The following NAV1 variants were observed in gnomAD, a reference collection of about 807,000 sequenced individuals.
The protein encoded by NAV1 is neuron navigator 1, also known as pore membrane and/or filament interacting like protein 3.
Under a neutral mutation model 175.2 loss-of-function variants are expected in NAV1, and 18 were observed. The observed-to-expected ratio is 0.10, with a 90% CI of 0.07 to 0.15. The LOEUF is 0.15. Among genes scored for constraint, NAV1 ranks in the 10% least tolerant of loss-of-function variants. The probability of loss-of-function intolerance (pLI) is 1.00; values close to 1 mark genes in which losing one functional copy is unlikely to be tolerated. For synonymous variants in NAV1, 897 were observed against 978.7 expected (o/e 0.92, Z 1.56); for missense variants, 1,731 against 2,436.6 (o/e 0.71, Z 6.10).
At chr1:201,665,162 C>T (rs1377621284) in intron 1 of NAV1, among the ~76,000 whole-genome samples, 1 of 149,184 alleles carries the variant, frequency 6.7e-6, no homozygotes, top group Non-Finnish European at 1.5e-5. Flanking sequence ...TTGAAGTGCT[C>T]CCCCCGCACC....
At chr1:201,638,198 A>G (rs1668660450) in intron 2 of NAV1, among the ~76,000 whole-genome samples, 1 of 152,100 alleles carries the variant, frequency 6.6e-6, no homozygotes, top group Admixed American at 6.5e-5. Flanking sequence ...AGAACCCCCA[A>G]GGCTTGACAT....
intron 1 of NAV1, among the ~76,000 whole-genome samples, chr1:201,584,542 C>T (rs1302528814): frequency 2.0e-5 from 3 of 152,216 alleles, no homozygotes; most frequent in Non-Finnish European, 2.9e-5. Context: ...ATCTTGTTTT[C>T]ATCTTGGTAA....
At chr1:201,574,865 G>A (rs182720066) in intron 1 of NAV1, among the ~76,000 whole-genome samples, 58 of 152,304 alleles carry the variant, frequency 3.8e-4, no homozygotes, top group Non-Finnish European at 4.1e-4. Context: ...TGTTGCCCCC[G>A]CCACACATTG....
At chr1:201,591,547 T>A (rs556332423) in intron 2 of NAV1, among the ~76,000 whole-genome samples, 79 of 152,236 alleles carry the variant, frequency 5.2e-4, no homozygotes, top group African/African-American at 1.9e-3. Flanking sequence ...AGGAGCTAGG[T>A]TGGCACTGGG....
chr1:201,708,287 A>G (rs1671753708), intron 1 of NAV1, among the ~76,000 whole-genome samples: 1 of 152,128 alleles, frequency 6.6e-6, no homozygotes, highest in African/African-American at 2.4e-5. Context: ...TGAGTAGCAC[A>G]CACATTCTCT....
intron 1 of NAV1, among the ~76,000 whole-genome samples, chr1:201,566,738 C>T (rs1666364447): frequency 6.6e-6 from 1 of 151,822 alleles, no homozygotes; most frequent in South Asian, 2.1e-4. Flanking sequence ...AATAGAAAAA[C>T]TTGAAGTAGC....
intron 2 of NAV1, among the ~76,000 whole-genome samples, chr1:201,607,537 G>T (rs1322591987): frequency 1.3e-5 from 2 of 152,028 alleles, no homozygotes; most frequent in Non-Finnish European, 2.9e-5. Context: ...TGTCTCCAAG[G>T]CTGGAGTTCA....
rs79444185 is a variant in NAV1, at chr1:201,745,073, G to A, written c.1226+26318G>A. 0.01 allele frequency among the ~76,000 whole-genome samples: 1,528 copies of A among 152,226 alleles called. 47 individuals are homozygous for A. The East Asian group carries it at 0.11, about 11-fold the overall frequency. On this transcript the variant is annotated intron_variant, in intron 3 of 29. Coordinates refer to ENST00000367296, the Ensembl canonical transcript of NAV1. ...CAGAATCGAATAATTCTACACTTGT[G>A]GAGCATGTGTAGGATGTGAGAATTC...
intron 1 of NAV1, among the ~76,000 whole-genome samples, chr1:201,684,504 C>G (rs564691181): frequency 7.4e-6 from 1 of 134,604 alleles, no homozygotes; most frequent in East Asian, 2.3e-4. Context: ...GACAGAGTCT[C>G]ACTCTTGTCG....
chr1:201,801,517 C>T (rs76384974), intron 15 of NAV1, among the ~76,000 whole-genome samples: 2,019 of 152,176 alleles, frequency 0.013, 42 homozygotes, highest in African/African-American at 0.046. Flanking sequence ...ATGAGGGCCT[C>T]ACTGTGTTGC....
intron 13 of NAV1, 177 bp from the exon 18 acceptor site, chr1:201,793,615 C>A (rs2102752425): frequency 1.7e-6 from 1 of 599,428 alleles, no homozygotes; most frequent in Non-Finnish European, 2.9e-6. Flanking sequence ...CAGAAAATTT[C>A]TTTGATTTCC....
At chr1:201,677,480 C>A (rs888476156) in intron 1 of NAV1, among the ~76,000 whole-genome samples, 2 of 152,076 alleles carry the variant, frequency 1.3e-5, no homozygotes, top group Non-Finnish European at 2.9e-5. Context: ...GTTTACCCCA[C>A]CCCGTCCCCC....
intron 1 of NAV1, among the ~76,000 whole-genome samples, chr1:201,569,019 G>A (rs1251314647): frequency 1.3e-5 from 2 of 152,078 alleles, no homozygotes; most frequent in Admixed American, 6.6e-5. Flanking sequence ...CACTCCTCCC[G>A]GCTGCTTCCT....
chr1:201,570,255 C>T (rs1390236292), intron 1 of NAV1, among the ~76,000 whole-genome samples: 1 of 152,202 alleles, frequency 6.6e-6, no homozygotes, highest in African/African-American at 2.4e-5. Context: ...CTAGGGCAGA[C>T]TCAGCAGACC....
chr1:201,546,348 C>T (rs750627722), intron 1 of NAV1, among the ~76,000 whole-genome samples: 17 of 152,234 alleles, frequency 1.1e-4, no homozygotes, highest in Non-Finnish European at 2.4e-4. Flanking sequence ...ACCCCTACCT[C>T]ACTGGGTGAG....
At chr1:201,650,466 G>A (rs1275721345) in intron 1 of NAV1, among the ~76,000 whole-genome samples, 2 of 152,224 alleles carry the variant, frequency 1.3e-5, no homozygotes, top group Non-Finnish European at 2.9e-5. Flanking sequence ...CGGTGGCTGG[G>A]TTGTGGGTCC....
upstream of NAV1, among the ~76,000 whole-genome samples, chr1:201,644,834 T>C (rs1668921284): frequency 6.6e-6 from 1 of 151,980 alleles, no homozygotes; most frequent in South Asian, 2.1e-4. Context: ...CATGAGAGCA[T>C]GAGACAAGGT....
At chr1:201,734,939 C>A (rs529773365) in intron 3 of NAV1, among the ~76,000 whole-genome samples, 1 of 152,348 alleles carries the variant, frequency 6.6e-6, no homozygotes, top group East Asian at 1.9e-4. Context: ...ACCCTCTCTC[C>A]TGCCCCTCCC....
rs3054496 is a variant in NAV1, at chr1:201,635,206, C to CTTT, written c.4+5709_4+5711dup. Among the ~76,000 whole-genome samples, 581 of 145,002 alleles carry CTTT rather than the reference C, an allele frequency of 4.0e-3. 4 individuals carry two copies. Among genetic ancestry groups the CTTT allele is most frequent in the African/African-American group, 0.013 (537 of 39,852 alleles). On this transcript the variant is annotated intron_variant, in intron 2 of 29. Transcript: ENST00000367302. ...GACGTCCACCACCACACCTGGCTAT[C>CTTT]TTTTTTTTTTTTGTATTTTTAGTAG...
Sources: gnomAD v4.1 joint callset for allele counts (sites outside exome capture counted in the v4.1 genomes callset) on GRCh38, gnomAD v4.1.1 for gene constraint, MANE v1.5 for transcripts, NCBI Gene and HGNC (gene_info 2026-07-23, HGNC 2026-07-21) for gene names.